Variants in F11R observed in about 807,000 individuals in gnomAD.
F11R encodes F11 receptor, also known as junctional adhesion molecule A.
F11R carries 27 observed loss-of-function variants against 39.3 expected under a neutral mutation model. The observed-to-expected ratio is 0.69, with a 90% confidence interval of 0.51 to 0.95. The LOEUF (loss-of-function observed/expected upper bound fraction) is 0.95. Among genes scored for constraint, F11R ranks in the 40% least tolerant of loss-of-function variants. F11R has a pLI of 0.00. For missense variants in F11R, 335 were observed against 372.7 expected (o/e 0.90, Z 0.83); for synonymous variants, 131 against 144.9 (o/e 0.90, Z 0.69).
chr1:160,999,282 C>A lies in F11R; in HGVS notation c.815+114G>T. On this transcript the variant is annotated intron_variant, in intron 8 of 9. Coordinates refer to ENST00000368026, the MANE Select transcript of F11R (RefSeq NM_016946.6). The stretch of plus-strand genomic sequence containing the variant: ...AAGGGCTGGATATCCAAATGCCTTC[C>A]CTCCAAACTGGTTGCTTCTGCCTTC... 15 of 1,499,154 alleles carry A rather than the reference C, an allele frequency of 1.0e-5. No individual in the cohort carries two copies. The South Asian group carries it at 1.7e-4, about 17-fold the overall frequency. 92.9% of individuals were successfully genotyped at this position (1,499,154 alleles called of 1,614,324 possible).
intron 1 of F11R, among the ~76,000 whole-genome samples, chr1:161,020,174 C>T (rs900312033): frequency 3.3e-5 from 5 of 152,158 alleles, no homozygotes; most frequent in Non-Finnish European, 5.9e-5. Flanking sequence ...GAGACAGAGG[C>T]ATGCCCTAGC....
chr1:161,000,115 C>T (rs778982583), intron 5 of F11R, 31 bp downstream of exon 5: 35 of 1,612,446 alleles, frequency 2.2e-5, no homozygotes, highest in Non-Finnish European at 3.0e-5. Flanking sequence ...CTGCATCCCC[C>T]ACACATCTTT....
chr1:161,010,623 T>C (rs139374933), intron 1 of F11R, among the ~76,000 whole-genome samples: 41 of 152,188 alleles, frequency 2.7e-4, no homozygotes, highest in African/African-American at 9.6e-4. Flanking sequence ...CTCTTATACC[T>C]TTCCTCAGTC....
intron 1 of F11R, among the ~76,000 whole-genome samples, chr1:161,019,824 T>C (rs2481084): frequency 0.24 from 36,972 of 152,030 alleles, 4,705 homozygotes; most frequent in Middle Eastern, 0.29. Context: ...CATTTCCCCT[T>C]TTGGACTTGT....
chr1:160,999,532 A>G, intron 7 of F11R, 108 bp downstream of exon 7: 5 of 1,503,918 alleles, frequency 3.3e-6, no homozygotes, highest in African/African-American at 1.4e-5. Flanking sequence ...CCAGGGGACA[A>G]CACCCACACA....
rs1571004889 is a variant in F11R at position 160,998,666 on chromosome 1, C to T, written c.*205G>A. 4.9e-6 allele frequency: 3 copies of T among 614,832 alleles called. No homozygotes were observed. In the East Asian group the frequency reaches 8.2e-5, roughly 17 times the overall value. The allele number at this position is 614,832 out of a possible 1,614,324, so 38.1% of individuals were successfully genotyped here. A position where few individuals can be genotyped will look rare whatever the true frequency, so the allele number is the denominator to read the frequency against. On this transcript the variant is annotated 3_prime_UTR_variant, in exon 10 of 10. Coordinates refer to ENST00000368026, the MANE Select transcript of F11R (RefSeq NM_016946.6). ...CACTTTAAACAAGTTCCAGGCCACT[C>T]AGCAGTGGTAGGAAAGGGAGGGAGG...
At chr1:161,007,126 G>A (rs566475277) in intron 1 of F11R, among the ~76,000 whole-genome samples, 33 of 147,718 alleles carry the variant, frequency 2.2e-4, no homozygotes, top group Admixed American at 4.1e-4. Flanking sequence ...AGCTGAGATC[G>A]TGCCATTGCA....
At chr1:161,003,199 C>T (rs1648597475) in intron 1 of F11R, among the ~76,000 whole-genome samples, 2 of 150,642 alleles carry the variant, frequency 1.3e-5, no homozygotes, top group Admixed American at 6.7e-5. Flanking sequence ...TCTCGGCTCA[C>T]CGCAACCTCC....
intron 1 of F11R, among the ~76,000 whole-genome samples, chr1:161,008,051 T>C (rs1417994016): frequency 6.6e-6 from 1 of 152,206 alleles, no homozygotes; most frequent in Non-Finnish European, 1.5e-5. Context: ...GCAAATGTCC[T>C]ACTGATGTAC....
chr1:161,014,934 AG>A (rs1368054433), intron 1 of F11R, among the ~76,000 whole-genome samples: 5 of 146,126 alleles, frequency 3.4e-5, no homozygotes, highest in African/African-American at 1.3e-4. Context: ...AAAAATTAGC[AG>A]GGAATGGTGG....
At chr1:160,999,519 TC>T in intron 7 of F11R, 111 bp from the exon 8 acceptor site, 1 of 1,535,516 alleles carries the variant, frequency 6.5e-7, no homozygotes, top group South Asian at 1.1e-5. Context: ...TGATCAGTGT[TC>T]CCCAGGGGAC....
chr1:161,011,537 T>C (rs996667574), intron 1 of F11R, among the ~76,000 whole-genome samples: 38 of 151,926 alleles, frequency 2.5e-4, no homozygotes, highest in Non-Finnish European at 8.8e-5. Flanking sequence ...AGGACCAGCC[T>C]GGCCAAGATG....
intron 1 of F11R, among the ~76,000 whole-genome samples, chr1:161,008,165 A>AT (rs36091951): frequency 0.25 from 38,246 of 152,060 alleles, 5,103 homozygotes; most frequent in Middle Eastern, 0.29. Context: ...GCATCAATAG[A>AT]TTTTGGCCTG....
intron 1 of F11R, among the ~76,000 whole-genome samples, chr1:161,007,284 G>A (rs1226395141): frequency 6.6e-6 from 1 of 151,860 alleles, no homozygotes; most frequent in African/African-American, 2.4e-5. Flanking sequence ...TGACCAACAT[G>A]GAGAAACCTC....
intron 1 of F11R, among the ~76,000 whole-genome samples, chr1:161,018,157 T>C (rs1202583341): frequency 6.6e-6 from 1 of 152,174 alleles, no homozygotes; most frequent in Non-Finnish European, 1.5e-5. Flanking sequence ...GGTCATCAGT[T>C]TTACTTTTCC....
rs1272563748 is a variant in F11R at position 160,997,542 on chromosome 1, G to GAC, written c.*1328_*1329insGT. 6.5e-6 allele frequency: 1 copy of GAC among 152,706 alleles called. No homozygotes were observed. The highest frequency in any genetic ancestry group is 6.5e-5 in the Admixed American group (1 of 15,272). The allele number at this position is 152,706 out of a possible 1,614,324, so 9.5% of individuals were successfully genotyped here. On this transcript the variant is annotated 3_prime_UTR_variant, in exon 10 of 10. Transcript: ENST00000368026. Reference sequence around the variant, plus strand: ...TGAAGGCCTGAAATTCAGAAGCTCTGCCTTGAGATAAGAACCAGGAAGGGG... The same window carrying GAC: ...TGAAGGCCTGAAATTCAGAAGCTCTGACCCTTGAGATAAGAACCAGGAAGGGG...
At chr1:161,005,290 C>A (rs1475186826) in intron 1 of F11R, among the ~76,000 whole-genome samples, 1 of 151,664 alleles carries the variant, frequency 6.6e-6, no homozygotes, top group African/African-American at 2.4e-5. Flanking sequence ...CTCCTTCCTC[C>A]TTCCCCTCCC....
chr1:160,997,445 A>C lies in F11R; in HGVS notation c.*1426T>G, dbSNP rs1398312635. ...TGGAACAGGCCAAGGAGATCCCCCA[A>C]GTACAGCATCAGCTTCACCCTGTGT... On this transcript the variant is annotated 3_prime_UTR_variant, in exon 10 of 10. Coordinates refer to ENST00000368026, the MANE Select transcript of F11R (RefSeq NM_016946.6). 1 of 152,404 alleles carries C rather than the reference A, an allele frequency of 6.6e-6. No individual in the cohort carries two copies. The highest frequency in any genetic ancestry group is 2.4e-5 in the African/African-American group (1 of 41,438). The allele number at this position is 152,404 out of a possible 1,614,324, so 9.4% of individuals were successfully genotyped here.
chr1:161,015,212 C>A (rs1468581289), intron 1 of F11R, among the ~76,000 whole-genome samples: 3 of 150,978 alleles, frequency 2.0e-5, no homozygotes, highest in African/African-American at 7.3e-5. Flanking sequence ...CTGGCTAACA[C>A]GGTGAAACCC....
Sources: allele counts gnomAD v4.1 joint callset (sites outside exome capture counted in the v4.1 genomes callset), GRCh38; gene constraint gnomAD v4.1.1; transcripts MANE v1.5; gene names NCBI Gene and HGNC (gene_info 2026-07-23, HGNC 2026-07-21).